The following THSD4 variants were observed in gnomAD, a reference collection of about 807,000 sequenced individuals.
THSD4 encodes thrombospondin type 1 domain containing 4.
A neutral mutation model predicts 119.0 loss-of-function variants in THSD4; 69 were observed. The observed-to-expected ratio is 0.58, with a 90% CI of 0.48 to 0.71. The LOEUF is 0.71. Among genes scored for constraint, THSD4 ranks in the 30% least tolerant of loss-of-function variants. THSD4 has a pLI of 0.00. For synonymous variants in THSD4, 524 were observed against 540.4 expected, an observed-to-expected ratio of 0.97 and a Z score of 0.42; for missense variants, 1,393 against 1,391.1, an observed-to-expected ratio of 1.00 and a Z score of -0.02.
chr15:71,554,210 C>T (rs1045061989), intron 7 of THSD4, among the ~76,000 whole-genome samples: 3 of 151,350 alleles, frequency 2.0e-5, no homozygotes, highest in African/African-American at 7.3e-5. Flanking sequence ...CTGCCTCAGC[C>T]TCCCGAGTAG....
rs114997453 is a variant in THSD4, at chr15:71,264,274, A to G, written c.1015+7559A>G. On this transcript the variant is annotated intron_variant, in intron 6 of 17. Coordinates refer to ENST00000261862, the MANE Select transcript of THSD4 (RefSeq NM_024817.3). The stretch of plus-strand genomic sequence containing the variant: ...ATTCCCGCAGCCCACCCCTGTGCAT[A>G]GATAATCCATAATCCTGTGAATGTT... Among the ~76,000 whole-genome samples, 918 of 152,340 alleles carry G rather than the reference A, an allele frequency of 6.0e-3. 5 individuals are homozygous for G. The highest frequency in any genetic ancestry group is 0.021 in the African/African-American group (863 of 41,578).
At chr15:71,771,312 T>G in intron 17 of THSD4, 104 bp downstream of exon 17, 1 of 1,415,434 alleles carries the variant, frequency 7.1e-7, no homozygotes, top group South Asian at 1.3e-5. Flanking sequence ...TCTGTGACCT[T>G]GCACACAGTC....
chr15:71,510,334 C>A (rs1334308371), intron 7 of THSD4, among the ~76,000 whole-genome samples: 1 of 152,200 alleles, frequency 6.6e-6, no homozygotes, highest in Non-Finnish European at 1.5e-5. Flanking sequence ...AAGGACAAAT[C>A]TATACTAGGC....
At chr15:71,328,030 C>T (rs1433568409) in intron 6 of THSD4, among the ~76,000 whole-genome samples, 1 of 152,180 alleles carries the variant, frequency 6.6e-6, no homozygotes, top group Non-Finnish European at 1.5e-5. Flanking sequence ...ACCTTCTTTC[C>T]TCCATTACAA....
rs1399480009 is a variant in THSD4, at chr15:71,780,887, A to T, written c.*3513A>T. 2.3e-6 allele frequency: 1 copy of T among 437,070 alleles called. No homozygotes were observed. The highest frequency in any genetic ancestry group is 7.0e-5 in the East Asian group (1 of 14,242). The allele number at this position is 437,070 out of a possible 1,614,324, so 27.1% of individuals were successfully genotyped here. ...GAAGACACGAGCTTGGTGTATTTTC[A>T]TCAAGTTATGTGGCAGAGAAATCCA... On this transcript the variant is annotated 3_prime_UTR_variant, in exon 18 of 18. Coordinates refer to ENST00000261862, the MANE Select transcript of THSD4 (RefSeq NM_024817.3).
At chr15:71,381,510 C>A (rs1297733438) in intron 6 of THSD4, among the ~76,000 whole-genome samples, 1 of 152,110 alleles carries the variant, frequency 6.6e-6, no homozygotes, top group Admixed American at 6.5e-5. Context: ...GAATTATTAC[C>A]CTTCCATTGG....
At chr15:71,394,078 A>AT (rs36141571) in intron 6 of THSD4, among the ~76,000 whole-genome samples, 10,422 of 148,024 alleles carry the variant, frequency 0.07, 549 homozygotes, top group African/African-American at 0.15. Context: ...GATACACAAT[A>AT]TTTTTTTTTT....
intron 5 of THSD4, among the ~76,000 whole-genome samples, chr15:71,248,366 C>T (rs1472621331): frequency 6.6e-6 from 1 of 152,088 alleles, no homozygotes; most frequent in East Asian, 1.9e-4. Context: ...TTAGGGACTC[C>T]GAATTCAACA....
chr15:71,499,363 A>T (rs2048075753), intron 7 of THSD4, among the ~76,000 whole-genome samples: 1 of 151,850 alleles, frequency 6.6e-6, no homozygotes, highest in Non-Finnish European at 1.5e-5. Flanking sequence ...TGAAGCACAT[A>T]TTTTCCCTAG....
chr15:71,148,483 G>A (rs1256577545), intron 2 of THSD4, among the ~76,000 whole-genome samples: 2 of 152,024 alleles, frequency 1.3e-5, no homozygotes, highest in East Asian at 1.9e-4. Context: ...AGATGAATTT[G>A]TGTAAGAAAA....
chr15:71,235,350 C>T (rs1426766872), intron 4 of THSD4, among the ~76,000 whole-genome samples: 4 of 152,198 alleles, frequency 2.6e-5, no homozygotes, highest in African/African-American at 7.2e-5. Flanking sequence ...CATAAAGGCT[C>T]TCTTTAAGCC....
intron 7 of THSD4, among the ~76,000 whole-genome samples, chr15:71,615,942 G>C (rs1178285808): frequency 6.6e-6 from 1 of 152,194 alleles, no homozygotes; most frequent in Non-Finnish European, 1.5e-5. Context: ...GTGCATTCAT[G>C]TGACTCTCCT....
intron 3 of THSD4, among the ~76,000 whole-genome samples, chr15:71,205,397 C>T (rs1455717912): frequency 6.6e-6 from 1 of 152,150 alleles, no homozygotes; most frequent in African/African-American, 2.4e-5. Flanking sequence ...GTGCAGAACA[C>T]CAGACTCAGA....
At chr15:71,444,020 C>G (rs1057358965) in intron 7 of THSD4, among the ~76,000 whole-genome samples, 2 of 152,184 alleles carry the variant, frequency 1.3e-5, no homozygotes, top group Admixed American at 6.5e-5. Flanking sequence ...CCTTTCTGAT[C>G]TAATAGACCT....
chr15:71,545,285 C>G (rs181551282), intron 7 of THSD4, among the ~76,000 whole-genome samples: 2 of 152,166 alleles, frequency 1.3e-5, no homozygotes, highest in Non-Finnish European at 2.9e-5. Flanking sequence ...TTTCCAGAGC[C>G]CTTGCAGTAG....
At chr15:71,573,889 G>T (rs1361975222) in intron 7 of THSD4, among the ~76,000 whole-genome samples, 2 of 152,296 alleles carry the variant, frequency 1.3e-5, no homozygotes, top group East Asian at 3.9e-4. Context: ...GCACCTACTG[G>T]AGTGTCTAGG....
intron 6 of THSD4, among the ~76,000 whole-genome samples, chr15:71,291,588 A>G (rs893572823): frequency 8.5e-5 from 13 of 152,136 alleles, no homozygotes; most frequent in Admixed American, 8.5e-4. Context: ...AGCTGATTGG[A>G]TGATGCCCAC....
chr15:71,666,794 G>A (rs2051426010), intron 8 of THSD4, among the ~76,000 whole-genome samples: 2 of 152,168 alleles, frequency 1.3e-5, no homozygotes, highest in African/African-American at 2.4e-5. Context: ...TATAGTGATG[G>A]TACATTAAAG....
At chr15:71,228,453 A>T (rs1313329660) in intron 4 of THSD4, among the ~76,000 whole-genome samples, 1 of 152,178 alleles carries the variant, frequency 6.6e-6, no homozygotes, top group Non-Finnish European at 1.5e-5. Context: ...GAACTGTAAA[A>T]GAATAGATTT....
Sources: gnomAD v4.1 joint callset for allele counts (sites outside exome capture counted in the v4.1 genomes callset) on GRCh38, gnomAD v4.1.1 for gene constraint, MANE v1.5 for transcripts, NCBI Gene and HGNC (gene_info 2026-07-23, HGNC 2026-07-21) for gene names.